Variants in DLGAP2 observed in about 807,000 individuals in gnomAD.
The protein encoded by DLGAP2 is DLG associated protein 2.
DLGAP2 carries 26 observed loss-of-function variants against 100.3 expected under a neutral mutation model. The ratio of observed to expected loss-of-function variants is 0.26; its 90% CI spans 0.19 to 0.36. DLGAP2 has a LOEUF of 0.36. Among genes scored for constraint, DLGAP2 ranks in the 10% least tolerant of loss-of-function variants. The pLI, the probability that DLGAP2 is intolerant of heterozygous loss-of-function variation, is 1.00. For missense variants in DLGAP2, 1,858 were observed against 1,453.2 expected (o/e 1.28, Z -4.53); for synonymous variants, 886 against 630.1 (o/e 1.41, Z -6.08).
At chr8:1,584,480 C>A (rs1459176121) in intron 6 of DLGAP2, among the ~76,000 whole-genome samples, 1 of 152,202 alleles carries the variant, frequency 6.6e-6, no homozygotes, top group African/African-American at 2.4e-5. Flanking sequence ...GTCTCCTCCA[C>A]TACCGTGGGC....
chr8:1,431,923 C>G (rs918323075), intron 3 of DLGAP2, among the ~76,000 whole-genome samples: 1 of 151,646 alleles, frequency 6.6e-6, no homozygotes, highest in African/African-American at 2.4e-5. Context: ...GGGCTGAACC[C>G]TGCCGGCACC....
rs186592111 is a variant in DLGAP2 at position 1,049,315 on chromosome 8, C to T, written c.73+141349C>T. Among the ~76,000 whole-genome samples, 141 of 152,168 alleles carry T rather than the reference C, an allele frequency of 9.3e-4. 1 individual carries two copies. Among genetic ancestry groups the T allele is most frequent in the Non-Finnish European group, 3.2e-4 (22 of 68,018 alleles). On this transcript the variant is annotated intron_variant, in intron 2 of 14. Transcript: ENST00000637795. ...AATGTTAGGATGGAGGCCTGTTCTA[C>T]TTCTATAATTTTAACGTCTTCGAAG...
intron 3 of DLGAP2, among the ~76,000 whole-genome samples, chr8:1,380,681 C>T (rs753806343): frequency 3.9e-5 from 6 of 152,130 alleles, no homozygotes; most frequent in Non-Finnish European, 5.9e-5. Flanking sequence ...TCACTGGGGA[C>T]TCTCTGTAGC....
At chr8:779,525 G>T (rs1341762007) in intron 1 of DLGAP2, among the ~76,000 whole-genome samples, 8 of 148,784 alleles carry the variant, frequency 5.4e-5, no homozygotes, top group Non-Finnish European at 8.9e-5. Context: ...GTGCAGTGGT[G>T]CCATCATAGT....
At chr8:1,665,081 C>T (rs1585044698) in intron 8 of DLGAP2, among the ~76,000 whole-genome samples, 1 of 152,188 alleles carries the variant, frequency 6.6e-6, no homozygotes, top group South Asian at 2.1e-4. Flanking sequence ...GTAGCAAACA[C>T]ATTATAAAGT....
At chr8:1,356,031 G>A (rs1394911265) in intron 3 of DLGAP2, among the ~76,000 whole-genome samples, 1 of 152,230 alleles carries the variant, frequency 6.6e-6, no homozygotes, top group Admixed American at 6.5e-5. Context: ...GCATGATCGG[G>A]GCCACTGCAC....
At chr8:1,327,848 A>C (rs58892423) in intron 3 of DLGAP2, among the ~76,000 whole-genome samples, 26,055 of 151,890 alleles carry the variant, frequency 0.17, 2,933 homozygotes, top group African/African-American at 0.32. Flanking sequence ...CGTCTCAAAA[A>C]AATAAATAAA....
chr8:1,260,762 T>C (rs927271854), intron 3 of DLGAP2, among the ~76,000 whole-genome samples: 2 of 152,228 alleles, frequency 1.3e-5, no homozygotes, highest in Admixed American at 6.5e-5. Flanking sequence ...TTCTAGGTCA[T>C]GGGATTGACT....
rs980774558 is a variant in DLGAP2 at position 1,176,209 on chromosome 8, A to G, written c.74-82642A>G. 5.3e-5 allele frequency among the ~76,000 whole-genome samples: 8 copies of G among 152,166 alleles called. 1 individual carries two copies. Among genetic ancestry groups the G allele is most frequent in the Admixed American group, 5.2e-4 (8 of 15,270 alleles). ...TGTTACATGGCGGTAGGTGAGAGAC[A>G]GTGTGGGAAATGCTGCCACTTTCAA... On this transcript the variant is annotated intron_variant, in intron 2 of 14. Coordinates refer to ENST00000637795, the MANE Select transcript of DLGAP2 (RefSeq NM_001346810.2).
intron 2 of DLGAP2, among the ~76,000 whole-genome samples, chr8:987,312 G>T (rs1012494138): frequency 1.3e-5 from 2 of 152,132 alleles, no homozygotes; most frequent in Admixed American, 1.3e-4. Flanking sequence ...GTGTCCACGG[G>T]TCCTGCTGGG....
intron 2 of DLGAP2, among the ~76,000 whole-genome samples, chr8:1,170,963 T>G (rs543933906): frequency 5.1e-4 from 78 of 151,522 alleles, no homozygotes; most frequent in South Asian, 1.5e-3. Flanking sequence ...CTAGTTCTTT[T>G]AATTGTGATG....
intron 2 of DLGAP2, among the ~76,000 whole-genome samples, chr8:944,074 T>C (rs1799257433): frequency 6.6e-6 from 1 of 152,256 alleles, no homozygotes; most frequent in South Asian, 2.1e-4. Flanking sequence ...TATCTAACTA[T>C]ATTGTATAAT....
intron 2 of DLGAP2, among the ~76,000 whole-genome samples, chr8:1,182,749 G>C (rs1797417554): frequency 6.6e-6 from 1 of 152,206 alleles, no homozygotes; most frequent in Non-Finnish European, 1.5e-5. Flanking sequence ...ACATTCTGCA[G>C]AGCTCACACT....
At chr8:1,254,885 CCG>C (rs1799137133) in intron 2 of DLGAP2, among the ~76,000 whole-genome samples, 4 of 152,000 alleles carry the variant, frequency 2.6e-5, no homozygotes, top group African/African-American at 4.8e-5. Context: ...CCTCTCCTGC[CCG>C]CGTGCTGTGT....
chr8:1,590,499 G>A (rs1213994586), intron 6 of DLGAP2, among the ~76,000 whole-genome samples: 3 of 152,172 alleles, frequency 2.0e-5, no homozygotes, highest in African/African-American at 7.2e-5. Context: ...ACTACTGGAA[G>A]GGAAGCACGG....
At chr8:966,195 C>A (rs943631207) in intron 2 of DLGAP2, among the ~76,000 whole-genome samples, 3 of 152,166 alleles carry the variant, frequency 2.0e-5, no homozygotes, top group African/African-American at 7.2e-5. Flanking sequence ...TTGTGGGAAT[C>A]CATAGGAATT....
At chr8:1,175,491 G>A (rs935200706) in intron 2 of DLGAP2, among the ~76,000 whole-genome samples, 1 of 152,180 alleles carries the variant, frequency 6.6e-6, no homozygotes, top group African/African-American at 2.4e-5. Flanking sequence ...ATGTACTTGG[G>A]CTAATAAAAG....
chr8:1,585,202 C>A (rs557395390), intron 6 of DLGAP2, among the ~76,000 whole-genome samples: 1 of 152,274 alleles, frequency 6.6e-6, no homozygotes, highest in East Asian at 1.9e-4. Flanking sequence ...AGGGCTCACA[C>A]CTGTGATCCC....
At chr8:1,463,113 G>C (rs1318657365) in intron 3 of DLGAP2, among the ~76,000 whole-genome samples, 2 of 152,154 alleles carry the variant, frequency 1.3e-5, no homozygotes, top group Non-Finnish European at 2.9e-5. Flanking sequence ...GCCTGGCGTG[G>C]TGGTGTGTGC....
Sources: allele counts gnomAD v4.1 joint callset (sites outside exome capture counted in the v4.1 genomes callset), GRCh38; gene constraint gnomAD v4.1.1; transcripts MANE v1.5; gene names NCBI Gene and HGNC (gene_info 2026-07-23, HGNC 2026-07-21).